The following SBNO2 variants were observed in gnomAD, a reference collection of about 807,000 sequenced individuals.
The protein encoded by SBNO2 is strawberry notch homolog 2, also known as protein strawberry notch homolog 2.
Under a neutral mutation model 146.3 loss-of-function variants are expected in SBNO2, and 89 were observed. The observed-to-expected ratio is 0.61, with a 90% CI of 0.51 to 0.73. SBNO2 has a LOEUF of 0.73. Among genes scored for constraint, SBNO2 ranks in the 30% least tolerant of loss-of-function variants. The pLI, the probability that SBNO2 is intolerant of heterozygous loss-of-function variation, is 0.00. For missense variants in SBNO2, 2,092 were observed against 2,003.7 expected (o/e 1.04, Z -0.84); for synonymous variants, 1,147 against 892.6 (o/e 1.29, Z -5.08).
At chr19:1,111,706 GCC>G in intron 23 of SBNO2, 92 bp from the exon 24 acceptor site, 1 of 936,534 alleles carries the variant, frequency 1.1e-6, no homozygotes, top group Admixed American at 2.2e-5. Context: ...CCTCCCCTAG[GCC>G]CCTGGACCCT....
At position 1,155,825 on chromosome 19, in the gene SBNO2, G is replaced by C. The variant is rs1458823704; in HGVS notation, c.-126-1423C>G. Among the ~76,000 whole-genome samples, 4 of 152,278 alleles carry C rather than the reference G, an allele frequency of 2.6e-5. No individual in the cohort carries two copies. The East Asian group carries it at 7.7e-4, about 29-fold the overall frequency. ...CCATCCAGGGGCCCACCAGTGCTAGGGGGTGGCCCACCCCCTGCCTTGGGG... is the reference window on the plus strand; with the variant it reads ...CCATCCAGGGGCCCACCAGTGCTAGCGGGTGGCCCACCCCCTGCCTTGGGG... On this transcript the variant is annotated intron_variant, in intron 1 of 31. Transcript: ENST00000361757.
intron 4 of SBNO2, among the ~76,000 whole-genome samples, chr19:1,130,112 G>A (rs573887058): frequency 1.3e-5 from 2 of 152,278 alleles, no homozygotes; most frequent in African/African-American, 4.8e-5. Context: ...GGGGCCTGAG[G>A]AGACGCCTAA....
chr19:1,146,207 G>A (rs2080188131), intron 4 of SBNO2, among the ~76,000 whole-genome samples: 2 of 152,188 alleles, frequency 1.3e-5, no homozygotes, highest in Non-Finnish European at 2.9e-5. Flanking sequence ...TTTCCAGGAA[G>A]GTCCCCTCAC....
intron 4 of SBNO2, among the ~76,000 whole-genome samples, chr19:1,135,631 G>A (rs2080078415): frequency 6.6e-6 from 1 of 152,214 alleles, no homozygotes; most frequent in African/African-American, 2.4e-5. Context: ...CTCTGTCCAG[G>A]GTGCACCCCT....
chr19:1,125,113 G>A (rs932932910), intron 5 of SBNO2, among the ~76,000 whole-genome samples: 15 of 151,830 alleles, frequency 9.9e-5, no homozygotes, highest in African/African-American at 3.4e-4. Context: ...AGCACTTTGG[G>A]AGGCCAAGGC....
chr19:1,120,045 G>T (rs201417733), intron 11 of SBNO2, 22 bp from the exon 12 acceptor site: 51 of 1,543,172 alleles, frequency 3.3e-5, no homozygotes, highest in Non-Finnish European at 3.5e-6. Context: ...GTGGGTTAAG[G>T]AGTATTCTGA....
rs750650110 is a variant in SBNO2, at chr19:1,119,885, G to A, written c.1267+21C>T. 35 of 1,519,162 alleles carry A rather than the reference G, an allele frequency of 2.3e-5. No individual in the cohort carries two copies. In the South Asian group the frequency reaches 3.1e-4, roughly 14 times the overall value. The allele number at this position is 1,519,162 out of a possible 1,614,324, so 94.1% of individuals were successfully genotyped here. ...AAAGACGCTGCTGCGGGTGGGTCAC[G>A]TGGGATCCGCACCGCCCCACCTGTG... On this transcript the variant is annotated intron_variant, in intron 12 of 31. Coordinates refer to ENST00000361757, the MANE Select transcript of SBNO2 (RefSeq NM_014963.3).
chr19:1,166,744 T>G (rs966960981), intron 1 of SBNO2, among the ~76,000 whole-genome samples: 1 of 152,174 alleles, frequency 6.6e-6, no homozygotes, highest in African/African-American at 2.4e-5. Flanking sequence ...TGAGCAGACG[T>G]TAAGCTAAAT....
chr19:1,122,676 C>A lies in SBNO2; in HGVS notation c.896G>T (p.Gly299Val). ...AGVILENHLRGRKKALWFSVS... is the reference protein window; with the variant it reads ...AGVILENHLRVRKKALWFSVS... ...GCCTCACCACAATGCTTTCTTCCGGCCGCGCAGGTGGTTCTCCAGGATGAC... is the reference window on the plus strand; with the variant it reads ...GCCTCACCACAATGCTTTCTTCCGGACGCGCAGGTGGTTCTCCAGGATGAC... Residue 299 changes from glycine to valine, a missense_variant, in exon 9 of 32, where the codon GGC (glycine) becomes GTC (valine). Physicochemically the swap from Gly to Val is moderately radical, Grantham distance 109. Transcript: ENST00000361757. 1 of 1,534,938 alleles carries A rather than the reference C, an allele frequency of 6.5e-7. No homozygotes were observed.
intron 5 of SBNO2, among the ~76,000 whole-genome samples, chr19:1,127,265 C>T (rs1175729939): frequency 1.3e-5 from 2 of 152,222 alleles, no homozygotes; most frequent in East Asian, 3.8e-4. Context: ...AGGGACTCCC[C>T]GGGTGCGGTG....
intron 4 of SBNO2, among the ~76,000 whole-genome samples, chr19:1,139,860 G>C (rs960354111): frequency 3.3e-5 from 5 of 152,056 alleles, no homozygotes; most frequent in African/African-American, 1.2e-4. Context: ...CAGGAGAATC[G>C]CTTGAACCTG....
intron 1 of SBNO2, among the ~76,000 whole-genome samples, chr19:1,169,817 G>A (rs761042948): frequency 4.6e-5 from 7 of 152,178 alleles, no homozygotes; most frequent in Non-Finnish European, 8.8e-5. Flanking sequence ...GCACCTGTCC[G>A]GAGCATATGA....
Position 1,117,383 on chromosome 19 carries a change from G to A in SBNO2, c.1644C>T (p.Cys548=), listed in dbSNP as rs544125368. The A allele has an allele frequency of 3.1e-6, 5 of 1,588,276 alleles. No homozygotes were observed. In the African/African-American group the frequency reaches 4.0e-5, roughly 13 times the overall value. ...CCAGCCGGCGCACCTTGGCTGCGAT[G>A]CACAGATACTTGAAGAAGCGCTGGT... The part of the protein sequence containing the change: ...SAHQRFFKYL[C]IAAKVRRLVE... The change falls in exon 15 of 32, where the codon TGC becomes TGT. Residue 548 remains cysteine (C), a synonymous_variant. Coordinates refer to ENST00000361757, the MANE Select transcript of SBNO2 (RefSeq NM_014963.3).
rs1024245284 is a variant in SBNO2, at chr19:1,109,071, C to G, written c.3425+64G>C. 2.0e-6 allele frequency: 3 copies of G among 1,531,838 alleles called. No individual in the cohort carries two copies. In the African/African-American group the frequency reaches 4.1e-5, roughly 21 times the overall value. The allele number at this position is 1,531,838 out of a possible 1,614,324, so 94.9% of individuals were successfully genotyped here. A position where few individuals can be genotyped will look rare whatever the true frequency, so the allele number is the denominator to read the frequency against. On this transcript the variant is annotated intron_variant, in intron 30 of 31. Coordinates refer to ENST00000361757, the MANE Select transcript of SBNO2 (RefSeq NM_014963.3). This position sits in a 1 kb window ranked among gnomAD's most constrained non-coding sequence, Gnocchi z 4.2. The stretch of plus-strand genomic sequence containing the variant: ...CGCCTCCTCTCAGGGTCTCGGGAGC[C>G]CCCGATCCCCGCCTGGGTCGCCGCC...
rs2079701574 is a variant in SBNO2 at position 1,108,446 on chromosome 19, C to T, written c.3875G>A (p.Gly1292Asp). The change falls in exon 32 of 32, where the codon GGC becomes GAC. Residue 1292 changes from glycine to aspartate, a missense_variant. Transcript: ENST00000361757. The part of the protein sequence containing the change: ...LDAGPGVVPL[G>D]TPDAQADPAA... ...AGGGTCGGCCTGGGCGTCGGGGGTGCCCAGCGGCACGACGCCGGGGCCGGC... is the reference window on the plus strand; with the variant it reads ...AGGGTCGGCCTGGGCGTCGGGGGTGTCCAGCGGCACGACGCCGGGGCCGGC... 3 of 1,239,812 alleles carry T rather than the reference C, an allele frequency of 2.4e-6. No individual in the cohort carries two copies. Among genetic ancestry groups the T allele is most frequent in the Non-Finnish European group, 2.0e-6 (2 of 986,564 alleles). 76.8% of individuals were successfully genotyped at this position (1,239,812 alleles called of 1,614,324 possible). A position where few individuals can be genotyped will look rare whatever the true frequency, so the allele number is the denominator to read the frequency against.
At position 1,119,598 on chromosome 19, in the gene SBNO2, T is replaced by C. The variant is rs766099593; in HGVS notation, c.1291A>G (p.Ile431Val). The change falls in exon 13 of 32, where the codon ATC becomes GTC. Residue 431 changes from isoleucine to valine, a missense_variant. By Grantham distance (29) the Ile-to-Val change is conservative. Transcript: ENST00000361757. Reference sequence around the variant, plus strand: ...CAGATACCCAAGCGGCTCATGTAGATCATGTTCCGAGGCTCAGAGGCACCT... The same window carrying C: ...CAGATACCCAAGCGGCTCATGTAGACCATGTTCCGAGGCTCAGAGGCACCT... ...ATGASEPRNM[I>V]YMSRLGIWGE... 2 of 1,610,184 alleles carry C rather than the reference T, an allele frequency of 1.2e-6. No homozygotes were observed. Among genetic ancestry groups the C allele is most frequent in the South Asian group, 1.1e-5 (1 of 90,416 alleles).
intron 14 of SBNO2, 31 bp downstream of exon 14, chr19:1,118,980 A>AG: frequency 1.9e-6 from 3 of 1,559,314 alleles, no homozygotes; most frequent in Non-Finnish European, 2.6e-6. Context: ...GGAAACGCAC[A>AG]GGGGTCCCCG....
At chr19:1,147,940 G>C (rs894612612) in intron 3 of SBNO2, among the ~76,000 whole-genome samples, 1 of 152,172 alleles carries the variant, frequency 6.6e-6, no homozygotes, top group African/African-American at 2.4e-5. Context: ...GAAGGTCCTG[G>C]GGGCCCCCCG....
chr19:1,117,191 G>C (rs1009216214), intron 15 of SBNO2, 132 bp downstream of exon 15: 1 of 941,174 alleles, frequency 1.1e-6, no homozygotes, highest in Non-Finnish European at 1.5e-6. Context: ...ACGGACATCC[G>C]GGCGTCTCTC....
Sources: allele counts gnomAD v4.1 joint callset (sites outside exome capture counted in the v4.1 genomes callset), GRCh38; gene constraint gnomAD v4.1.1; non-coding constraint Gnocchi (gnomAD v3.1); transcripts MANE v1.5; gene names NCBI Gene and HGNC (gene_info 2026-07-23, HGNC 2026-07-21).